Variants in CSMD1 observed in about 807,000 individuals in gnomAD.
The protein encoded by CSMD1 is CUB and sushi domain-containing protein 1.
Under a neutral mutation model 417.5 loss-of-function variants are expected in CSMD1, and 213 were observed. The ratio of observed to expected loss-of-function variants is 0.51; its 90% confidence interval spans 0.46 to 0.57. The LOEUF (loss-of-function observed/expected upper bound fraction) is 0.57, where lower values mean the gene tolerates loss of function less well. Ranked by LOEUF, CSMD1 falls within the 20% of genes least tolerant of loss-of-function variation. The pLI is 0.00. For missense variants in CSMD1, 6,923 were observed against 4,529.7 expected (o/e 1.53, Z -15.17); for synonymous variants, 2,862 against 1,736.8 (o/e 1.65, Z -16.11).
At chr8:3,241,862 C>G (rs1023137095) in intron 26 of CSMD1, among the ~76,000 whole-genome samples, 13 of 151,920 alleles carry the variant, frequency 8.6e-5, no homozygotes, top group Middle Eastern at 6.8e-3. Context: ...TTGAAGGCGA[C>G]GTTAATTAAG....
intron 3 of CSMD1, among the ~76,000 whole-genome samples, chr8:4,034,564 C>G (rs1338915789): frequency 6.6e-6 from 1 of 152,102 alleles, no homozygotes; most frequent in East Asian, 1.9e-4. Flanking sequence ...TTTATCAGGG[C>G]AGCCCTTCAA....
intron 3 of CSMD1, among the ~76,000 whole-genome samples, chr8:4,200,972 T>C (rs996827299): frequency 3.3e-5 from 5 of 152,184 alleles, no homozygotes; most frequent in African/African-American, 1.2e-4. Context: ...AGTTGTCTTA[T>C]TAGTTTACTT....
chr8:4,129,074 C>CAAAAAA (rs10538387), intron 3 of CSMD1, among the ~76,000 whole-genome samples: 7 of 80,736 alleles, frequency 8.7e-5, no homozygotes, highest in Non-Finnish European at 1.4e-4. Context: ...GAGTCCAACT[C>CAAAAAA]AAAAAAAAAA....
intron 3 of CSMD1, among the ~76,000 whole-genome samples, chr8:4,053,335 CT>C (rs2130703948): frequency 6.6e-6 from 1 of 152,184 alleles, no homozygotes; most frequent in Non-Finnish European, 1.5e-5. Flanking sequence ...TCAGACTGAC[CT>C]TTAGTTAGTT....
At chr8:4,869,836 A>T (rs1380341662) in intron 1 of CSMD1, among the ~76,000 whole-genome samples, 3 of 152,158 alleles carry the variant, frequency 2.0e-5, no homozygotes, top group South Asian at 2.1e-4. Context: ...TTAATTTATC[A>T]TATATTCTCT....
At chr8:4,697,095 C>G (rs1184776383) in intron 1 of CSMD1, among the ~76,000 whole-genome samples, 3 of 152,144 alleles carry the variant, frequency 2.0e-5, no homozygotes, top group Admixed American at 2.0e-4. Flanking sequence ...TTGCTTGAAC[C>G]CAGGAGGGGG....
intron 63 of CSMD1, among the ~76,000 whole-genome samples, chr8:2,956,470 T>C (rs1803017294): frequency 6.6e-6 from 1 of 152,050 alleles, no homozygotes; most frequent in African/African-American, 2.4e-5. Context: ...ATTTTTTATT[T>C]ATTTTTTGAG....
At chr8:4,159,359 G>C (rs1055667967) in intron 3 of CSMD1, among the ~76,000 whole-genome samples, 1 of 152,080 alleles carries the variant, frequency 6.6e-6, no homozygotes, top group Non-Finnish European at 1.5e-5. Flanking sequence ...ATTTTTATTT[G>C]TGATTCAGTA....
intron 3 of CSMD1, among the ~76,000 whole-genome samples, chr8:4,273,850 TATAAC>T (rs921153735): frequency 3.9e-5 from 6 of 152,154 alleles, no homozygotes; most frequent in Admixed American, 3.3e-4. Context: ...GGTGAAATGA[TATAAC>T]ATACTTGCTG....
chr8:4,763,317 T>C (rs1480417153), intron 1 of CSMD1, among the ~76,000 whole-genome samples: 1 of 152,222 alleles, frequency 6.6e-6, no homozygotes, highest in Non-Finnish European at 1.5e-5. Flanking sequence ...CCCTCCTGAA[T>C]GATCTCATCC....
intron 4 of CSMD1, among the ~76,000 whole-genome samples, chr8:4,031,083 C>A (rs181453575): frequency 6.6e-6 from 1 of 152,114 alleles, no homozygotes; most frequent in African/African-American, 2.4e-5. Context: ...TAGAGAATTC[C>A]AAAACTTCCC....
At chr8:4,627,597 A>C (rs1307929101) in intron 2 of CSMD1, among the ~76,000 whole-genome samples, 2 of 152,144 alleles carry the variant, frequency 1.3e-5, no homozygotes, top group African/African-American at 4.8e-5. Flanking sequence ...GATTATGTCT[A>C]CTACTGTGGA....
chr8:3,385,731 A>T (rs1810967627), intron 18 of CSMD1, among the ~76,000 whole-genome samples: 1 of 152,148 alleles, frequency 6.6e-6, no homozygotes, highest in Non-Finnish European at 1.5e-5. Context: ...GAGTTTACTT[A>T]AAGTTTAATG....
intron 5 of CSMD1, among the ~76,000 whole-genome samples, chr8:3,778,797 C>T (rs771781985): frequency 5.9e-5 from 9 of 152,118 alleles, no homozygotes; most frequent in African/African-American, 1.7e-4. Flanking sequence ...TTTCATGCTC[C>T]GAACACTTTT....
At chr8:3,963,316 C>A (rs1217332508) in intron 5 of CSMD1, among the ~76,000 whole-genome samples, 1 of 152,064 alleles carries the variant, frequency 6.6e-6, no homozygotes, top group Non-Finnish European at 1.5e-5. Flanking sequence ...TGGCTCTCAC[C>A]CAGATAAGCC....
At chr8:3,407,648 T>C (rs1298512420) in intron 14 of CSMD1, among the ~76,000 whole-genome samples, 1 of 152,024 alleles carries the variant, frequency 6.6e-6, no homozygotes, top group Non-Finnish European at 1.5e-5. Context: ...GAAAGAGATG[T>C]AAGGAGATGA....
At chr8:3,684,525 C>T (rs1036337153) in intron 7 of CSMD1, among the ~76,000 whole-genome samples, 1 of 150,836 alleles carries the variant, frequency 6.6e-6, no homozygotes, top group Non-Finnish European at 1.5e-5. Context: ...TTTTTACTGG[C>T]CATCTAGAAA....
intron 1 of CSMD1, among the ~76,000 whole-genome samples, chr8:4,942,770 A>C (rs542162776): frequency 2.0e-5 from 3 of 152,356 alleles, no homozygotes; most frequent in Admixed American, 1.3e-4. Context: ...TGACATACAC[A>C]GATGATGTAG....
chr8:2,963,980 C>T (rs1395991068), intron 59 of CSMD1, among the ~76,000 whole-genome samples: 2 of 152,156 alleles, frequency 1.3e-5, no homozygotes, highest in Admixed American at 1.3e-4. Flanking sequence ...GAAGCAAGCA[C>T]GTGGTTGCTA....
Sources: allele counts gnomAD v4.1 joint callset (sites outside exome capture counted in the v4.1 genomes callset), GRCh38; gene constraint gnomAD v4.1.1; transcripts MANE v1.5; gene names NCBI Gene and HGNC (gene_info 2026-07-23, HGNC 2026-07-21).